The following CLNK variants were observed in gnomAD, a reference collection of about 807,000 sequenced individuals.
CLNK encodes cytokine-dependent hematopoietic cell linker.
Under a neutral mutation model 68.6 loss-of-function variants are expected in CLNK, and 74 were observed. That is an observed-to-expected ratio of 1.08 (90% CI 0.89 to 1.31). The LOEUF (loss-of-function observed/expected upper bound fraction) is 1.31. Ranked by LOEUF, CLNK falls within the 50% of genes most tolerant of loss-of-function variation. The probability of loss-of-function intolerance (pLI) is 0.00; values close to 1 mark genes in which losing one functional copy is unlikely to be tolerated. For synonymous variants in CLNK, 198 were observed against 172.2 expected, an observed-to-expected ratio of 1.15 and a Z score of -1.17; for missense variants, 553 against 515.3, an observed-to-expected ratio of 1.07 and a Z score of -0.71.
chr4:10,726,695 A>G, the CLNK span, among the ~76,000 whole-genome samples: 1 of 152,208 alleles, frequency 6.6e-6, no homozygotes, highest in African/African-American at 2.4e-5. Context: ...CCTTTCAATT[A>G]TATAATTGCA....
the CLNK span, among the ~76,000 whole-genome samples, chr4:10,731,353 C>T: frequency 1.3e-5 from 2 of 152,174 alleles, no homozygotes; most frequent in Non-Finnish European, 2.9e-5. Context: ...GATTTCTCCC[C>T]GGGTGGTTCG....
intron 3 of CLNK, among the ~76,000 whole-genome samples, chr4:10,596,797 AG>A (rs1347335164): frequency 6.6e-6 from 1 of 152,166 alleles, no homozygotes; most frequent in Non-Finnish European, 1.5e-5. Flanking sequence ...TTCAGAAAAA[AG>A]CACTGCTCTT....
chr4:10,547,894 A>G (rs964504819), intron 8 of CLNK, among the ~76,000 whole-genome samples: 4 of 152,134 alleles, frequency 2.6e-5, no homozygotes, highest in East Asian at 3.8e-4. Context: ...TCATCTGTCT[A>G]TGGACCCTTA....
intron 8 of CLNK, among the ~76,000 whole-genome samples, chr4:10,543,801 G>A (rs373835824): frequency 6.6e-6 from 1 of 152,134 alleles, no homozygotes; most frequent in Admixed American, 6.5e-5. Flanking sequence ...GAAATAGGTA[G>A]GATTCACTTC....
chr4:10,639,156 G>T (rs1441577859), intron 2 of CLNK, among the ~76,000 whole-genome samples: 2 of 152,302 alleles, frequency 1.3e-5, no homozygotes, highest in South Asian at 2.1e-4. Context: ...GACATTTCTG[G>T]CCAATACAGA....
intron 2 of CLNK, among the ~76,000 whole-genome samples, chr4:10,652,013 G>A (rs1371303300): frequency 6.6e-6 from 1 of 151,658 alleles, no homozygotes. Flanking sequence ...GGGTCAAATA[G>A]AAAGCAAAAA....
chr4:10,492,764 G>C (rs971207119), intron 18 of CLNK, among the ~76,000 whole-genome samples: 1 of 152,180 alleles, frequency 6.6e-6, no homozygotes, highest in Admixed American at 6.5e-5. Flanking sequence ...GGATAAAAAC[G>C]TGGGGAAAGA....
At chr4:10,537,591 C>T (rs1412882613) in intron 11 of CLNK, among the ~76,000 whole-genome samples, 1 of 152,006 alleles carries the variant, frequency 6.6e-6, no homozygotes, top group Non-Finnish European at 1.5e-5. Flanking sequence ...CTTCATCCCT[C>T]CCTCCCTGTC....
intron 14 of CLNK, among the ~76,000 whole-genome samples, chr4:10,522,051 G>A (rs1347466145): frequency 1.3e-5 from 2 of 152,118 alleles, no homozygotes; most frequent in Admixed American, 1.3e-4. Flanking sequence ...AAGGTCAGGA[G>A]ATCGAGACCA....
At chr4:10,515,269 C>A (rs1248371422) in intron 15 of CLNK, among the ~76,000 whole-genome samples, 1 of 151,972 alleles carries the variant, frequency 6.6e-6, no homozygotes, top group Non-Finnish European at 1.5e-5. Flanking sequence ...GATTTCCTTT[C>A]CACCTAGAAA....
At chr4:10,516,567 T>C (rs79042170) in intron 15 of CLNK, among the ~76,000 whole-genome samples, 12 of 117,710 alleles carry the variant, frequency 1.0e-4, no homozygotes, top group Admixed American at 9.7e-4. Flanking sequence ...TTTTTTTTTT[T>C]CTGAGATGGA....
At chr4:10,565,945 A>G (rs1480722055) in intron 6 of CLNK, 64 bp downstream of exon 6, 1 of 1,537,362 alleles carries the variant, frequency 6.5e-7, no homozygotes. Context: ...GCACCTTTAA[A>G]TAGTGTGCAA....
intron 4 of CLNK, among the ~76,000 whole-genome samples, chr4:10,578,595 T>TTTTTTTTTTTTTTTTTTTTTTTTC (rs1720662492): frequency 7.2e-6 from 1 of 139,798 alleles, no homozygotes; most frequent in Non-Finnish European, 1.5e-5. Context: ...TTTTTTTTTT[T>TTTTTTTTTTTTTTTTTTTTTTTTC]TTTTTTTTTG....
intron 2 of CLNK, among the ~76,000 whole-genome samples, chr4:10,640,385 C>T (rs769215917): frequency 4.6e-5 from 7 of 152,178 alleles, no homozygotes; most frequent in Non-Finnish European, 5.9e-5. Context: ...AGGCTGGTCT[C>T]GAACTCCTGA....
At chr4:10,562,185 C>T (rs541053458) in intron 7 of CLNK, among the ~76,000 whole-genome samples, 5 of 148,772 alleles carry the variant, frequency 3.4e-5, no homozygotes, top group African/African-American at 7.4e-5. Flanking sequence ...ACTGCAGCCT[C>T]GACCTCCCAG....
intron 14 of CLNK, among the ~76,000 whole-genome samples, chr4:10,525,104 G>A (rs533310551): frequency 7.2e-4 from 110 of 152,048 alleles, no homozygotes; most frequent in African/African-American, 2.4e-3. Context: ...TCACTCTGTC[G>A]CCCAGGCTGG....
chr4:10,730,809 T>C, the CLNK span, among the ~76,000 whole-genome samples: 3 of 152,316 alleles, frequency 2.0e-5, no homozygotes, highest in South Asian at 6.2e-4. Flanking sequence ...TGAGGGTTTT[T>C]TTTAACCATC....
chr4:10,730,044 G>C, the CLNK span, among the ~76,000 whole-genome samples: 1 of 152,212 alleles, frequency 6.6e-6, no homozygotes, highest in African/African-American at 2.4e-5. Flanking sequence ...ATGCTGAGTA[G>C]CACAATGTGA....
At chr4:10,725,744 A>G in the CLNK span, among the ~76,000 whole-genome samples, 2 of 151,844 alleles carry the variant, frequency 1.3e-5, no homozygotes, top group Admixed American at 6.6e-5. Flanking sequence ...AGTCCCAGCT[A>G]CTCGGGAGGC....
Sources: allele counts gnomAD v4.1 joint callset (sites outside exome capture counted in the v4.1 genomes callset), GRCh38; gene constraint gnomAD v4.1.1; transcripts MANE v1.5; gene names NCBI Gene and HGNC (gene_info 2026-07-23, HGNC 2026-07-21).